PGM5: variants seen among roughly 807,000 people sequenced by gnomAD.
The protein encoded by PGM5 is phosphoglucomutase-like protein 5.
In PGM5, 23 loss-of-function variants were observed where a neutral mutation model predicts 59.2. The ratio of observed to expected loss-of-function variants is 0.39; its 90% confidence interval spans 0.28 to 0.55. PGM5 has a LOEUF of 0.55. Ranked by LOEUF, PGM5 falls within the 20% of genes least tolerant of loss-of-function variation. The probability of loss-of-function intolerance (pLI) is 0.66; values close to 1 mark genes in which losing one functional copy is unlikely to be tolerated. For missense variants in PGM5, 574 were observed against 748.3 expected (o/e 0.77, Z 2.72); for synonymous variants, 214 against 286.0 (o/e 0.75, Z 2.54).
At chr9:68,404,269 G>A (rs1310844888) in intron 6 of PGM5, among the ~76,000 whole-genome samples, 1 of 152,132 alleles carries the variant, frequency 6.6e-6, no homozygotes, top group Non-Finnish European at 1.5e-5. Flanking sequence ...TGGGATTACA[G>A]GCATGTGACA....
At chr9:68,423,836 T>A (rs191295255) in intron 6 of PGM5, among the ~76,000 whole-genome samples, 1 of 152,172 alleles carries the variant, frequency 6.6e-6, no homozygotes, top group Non-Finnish European at 1.5e-5. Flanking sequence ...TTCCCTCCCC[T>A]CCTTTCCTCC....
intron 1 of PGM5, among the ~76,000 whole-genome samples, chr9:68,373,029 C>G (rs1477979303): frequency 2.0e-5 from 3 of 151,684 alleles, no homozygotes; most frequent in Non-Finnish European, 4.4e-5. Flanking sequence ...AGACAAACAT[C>G]TAAACCATAT....
At chr9:68,432,273 C>A (rs921325766) in intron 6 of PGM5, among the ~76,000 whole-genome samples, 1 of 151,146 alleles carries the variant, frequency 6.6e-6, no homozygotes, top group Non-Finnish European at 1.5e-5. Context: ...CATCTCAGGT[C>A]ACTGCAACCT....
rs186975836 is a variant in PGM5, at chr9:68,407,570, T to C, written c.1043+15097T>C. 2.4e-3 allele frequency among the ~76,000 whole-genome samples: 371 copies of C among 152,290 alleles called. 1 individual carries two copies. The highest frequency in any genetic ancestry group is 8.4e-3 in the African/African-American group (348 of 41,572). ...CATCTCTTTAGAAAAATTATCTTTC[T>C]GGGAAAATACAGAGTTTCTTTTATA... On this transcript the variant is annotated intron_variant, in intron 6 of 10. Transcript: ENST00000396396.
chr9:68,456,297 T>C (rs1218362941), intron 6 of PGM5, among the ~76,000 whole-genome samples: 1 of 151,026 alleles, frequency 6.6e-6, no homozygotes, highest in African/African-American at 2.4e-5. Context: ...TCTTTTTTTT[T>C]CTTTTTTTTT....
At chr9:68,480,585 G>A (rs1554687057) in intron 8 of PGM5, among the ~76,000 whole-genome samples, 1 of 152,050 alleles carries the variant, frequency 6.6e-6, no homozygotes, top group Non-Finnish European at 1.5e-5. Context: ...CACACCTGTA[G>A]CTACTAGGGA....
intron 7 of PGM5, among the ~76,000 whole-genome samples, chr9:68,473,573 A>AT (rs1824055795): frequency 6.6e-6 from 1 of 152,214 alleles, no homozygotes; most frequent in Non-Finnish European, 1.5e-5. Context: ...TAATAGATGC[A>AT]TAAAATCCCC....
chr9:68,529,882 C>T lies in PGM5; in HGVS notation c.*226C>T. On this transcript the variant is annotated 3_prime_UTR_variant, in exon 11 of 11. Transcript: ENST00000396396. ...GGCCTTTAGTTGTCTGTTAAAGCTG[C>T]ACTATAATTTGGTATCTACATTTTA... is the stretch of plus-strand genomic sequence containing the variant. The T allele has an allele frequency of 2.4e-6, 1 of 422,900 alleles. No individual in the cohort carries two copies. The highest frequency in any genetic ancestry group is 4.2e-6 in the Non-Finnish European group (1 of 238,496). The allele number at this position is 422,900 out of a possible 1,614,324, so 26.2% of individuals were successfully genotyped here.
intron 7 of PGM5, among the ~76,000 whole-genome samples, chr9:68,473,006 CT>C (rs200965830): frequency 7.2e-5 from 11 of 152,012 alleles, no homozygotes; most frequent in Non-Finnish European, 1.2e-4. Context: ...AGAAAGGTGA[CT>C]TTTTTTTCAG....
chr9:68,374,362 G>A (rs1381316452), intron 1 of PGM5, among the ~76,000 whole-genome samples: 2 of 151,042 alleles, frequency 1.3e-5, no homozygotes, highest in Non-Finnish European at 2.9e-5. Context: ...ATTTTAGCAA[G>A]AGCATATGGA....
intron 6 of PGM5, among the ~76,000 whole-genome samples, chr9:68,461,454 G>T (rs1487081704): frequency 6.6e-6 from 1 of 152,118 alleles, no homozygotes; most frequent in Non-Finnish European, 1.5e-5. Flanking sequence ...TTTTGTTATG[G>T]TCTGGATGTT....
chr9:68,374,100 T>C (rs1282326371), intron 1 of PGM5, among the ~76,000 whole-genome samples: 1 of 152,294 alleles, frequency 6.6e-6, no homozygotes, highest in South Asian at 2.1e-4. Context: ...CTCTGTGCTA[T>C]GGAAGGGCTT....
intron 6 of PGM5, among the ~76,000 whole-genome samples, chr9:68,447,008 T>C (rs1823622223): frequency 1.3e-5 from 2 of 152,164 alleles, no homozygotes; most frequent in South Asian, 4.1e-4. Context: ...CAGAACTGTA[T>C]ACACTCTGGA....
intron 10 of PGM5, among the ~76,000 whole-genome samples, chr9:68,500,786 G>A (rs1430573256): frequency 2.0e-5 from 3 of 152,038 alleles, no homozygotes; most frequent in African/African-American, 4.8e-5. Context: ...CTCTGACTCC[G>A]GGCTATTTTT....
intron 2 of PGM5, among the ~76,000 whole-genome samples, chr9:68,381,974 A>C (rs1387502828): frequency 2.0e-5 from 3 of 152,006 alleles, no homozygotes; most frequent in African/African-American, 7.2e-5. Context: ...CAATATACAG[A>C]TTTAACACAA....
chr9:68,528,857 G>T (rs1234083167), intron 10 of PGM5, among the ~76,000 whole-genome samples: 5 of 152,192 alleles, frequency 3.3e-5, no homozygotes, highest in African/African-American at 1.2e-4. Context: ...AAATCATTGT[G>T]AGTGTTGCAT....
chr9:68,424,052 C>G (rs1038414380), intron 6 of PGM5, among the ~76,000 whole-genome samples: 1 of 152,156 alleles, frequency 6.6e-6, no homozygotes, highest in African/African-American at 2.4e-5. Flanking sequence ...CAGAACTCCT[C>G]TCTCCTCTCT....
At chr9:68,473,370 C>T (rs1456219115) in intron 7 of PGM5, among the ~76,000 whole-genome samples, 2 of 152,166 alleles carry the variant, frequency 1.3e-5, no homozygotes, top group African/African-American at 2.4e-5. Flanking sequence ...ATGCTTTACC[C>T]GCTTTCTTGC....
chr9:68,489,631 A>AT (rs1383623296), intron 9 of PGM5, among the ~76,000 whole-genome samples: 1 of 151,656 alleles, frequency 6.6e-6, no homozygotes, highest in Non-Finnish European at 1.5e-5. Flanking sequence ...CGCCCAGCTA[A>AT]TTTTTTTATA....
Sources: allele counts gnomAD v4.1 joint callset (sites outside exome capture counted in the v4.1 genomes callset), GRCh38; gene constraint gnomAD v4.1.1; transcripts MANE v1.5; gene names NCBI Gene and HGNC (gene_info 2026-07-23, HGNC 2026-07-21).